The following NKAIN3 variants were observed in gnomAD, a reference collection of about 807,000 sequenced individuals.
NKAIN3 encodes sodium/potassium transporting ATPase interacting 3.
Under a neutral mutation model 30.2 loss-of-function variants are expected in NKAIN3, and 25 were observed. The observed-to-expected ratio is 0.83, with a 90% CI of 0.60 to 1.16. NKAIN3 has a LOEUF of 1.16. Among genes scored for constraint, NKAIN3 ranks in the 50% most tolerant of loss-of-function variants. The pLI is 0.00. For missense variants in NKAIN3, 225 were observed against 254.1 expected, an observed-to-expected ratio of 0.89 and a Z score of 0.78; for synonymous variants, 91 against 89.6, an observed-to-expected ratio of 1.02 and a Z score of -0.09.
intron 3 of NKAIN3, among the ~76,000 whole-genome samples, chr8:62,665,425 G>T (rs943395591): frequency 1.3e-5 from 2 of 151,510 alleles, no homozygotes; most frequent in Admixed American, 6.6e-5. Context: ...CTTCCAAGCT[G>T]CTGGGAGAGG....
At chr8:62,858,590 G>C (rs562838446) in intron 4 of NKAIN3, among the ~76,000 whole-genome samples, 1 of 152,320 alleles carries the variant, frequency 6.6e-6, no homozygotes, top group East Asian at 1.9e-4. Context: ...CACCCAATGA[G>C]GGGGAATGGT....
At chr8:62,533,445 G>A (rs1043874662) in intron 1 of NKAIN3, among the ~76,000 whole-genome samples, 1 of 152,106 alleles carries the variant, frequency 6.6e-6, no homozygotes, top group South Asian at 2.1e-4. Context: ...CGCCTGAAGC[G>A]GGCTTAGCCC....
In NKAIN3 at chr8:62,463,532, T is replaced by C. The variant is rs919560467; in HGVS notation, c.55-116007T>C. On this transcript the variant is annotated intron_variant, in intron 1 of 6. Transcript: ENST00000623646. ...GTATTCTGTGGCATCTAAATCTATA[T>C]ACAGCATGGAAAGCTATACCAACTA... 4.6e-5 allele frequency among the ~76,000 whole-genome samples: 7 copies of C among 152,232 alleles called. No homozygotes were observed. In the East Asian group the frequency reaches 7.7e-4, roughly 17 times the overall value.
At chr8:62,455,021 A>G (rs959332897) in intron 1 of NKAIN3, among the ~76,000 whole-genome samples, 1 of 152,192 alleles carries the variant, frequency 6.6e-6, no homozygotes, top group Non-Finnish European at 1.5e-5. Flanking sequence ...GAGATGCACC[A>G]TTGGCTAATT....
At chr8:62,784,236 A>G (rs552269184) in intron 4 of NKAIN3, among the ~76,000 whole-genome samples, 1 of 152,082 alleles carries the variant, frequency 6.6e-6, no homozygotes, top group South Asian at 2.1e-4. Flanking sequence ...GAAGAAGTGC[A>G]AACTATCCCT....
At chr8:62,929,040 G>A (rs2130869012) in intron 5 of NKAIN3, among the ~76,000 whole-genome samples, 1 of 152,310 alleles carries the variant, frequency 6.6e-6, no homozygotes, top group Non-Finnish European at 1.5e-5. Flanking sequence ...AGGACATGTA[G>A]GCTAACACCT....
At chr8:62,877,558 C>T (rs532272110) in intron 4 of NKAIN3, among the ~76,000 whole-genome samples, 1 of 152,358 alleles carries the variant, frequency 6.6e-6, no homozygotes, top group African/African-American at 2.4e-5. Flanking sequence ...AAAGGTCACA[C>T]ATAGGATCTT....
chr8:62,714,039 C>T lies in NKAIN3; in HGVS notation c.274-32893C>T, dbSNP rs150532468. Among the ~76,000 whole-genome samples, 248 of 152,094 alleles carry T rather than the reference C, an allele frequency of 1.6e-3. 5 individuals carry two copies. In the South Asian group the frequency reaches 0.032, roughly 19 times the overall value. On this transcript the variant is annotated intron_variant, in intron 3 of 6. Coordinates refer to ENST00000623646, the MANE Select transcript of NKAIN3 (RefSeq NM_001304533.3). Reference sequence around the variant, plus strand: ...ATAATTTTTGTATTGGATGTTTCATCGATAAAAGTTTATGGATCAGCAGGC... The same window carrying T: ...ATAATTTTTGTATTGGATGTTTCATTGATAAAAGTTTATGGATCAGCAGGC...
intron 4 of NKAIN3, among the ~76,000 whole-genome samples, chr8:62,853,038 A>G (rs188882690): frequency 8.5e-5 from 13 of 152,134 alleles, no homozygotes; most frequent in Admixed American, 2.0e-4. Context: ...TGACCTGTCT[A>G]ATGTTGACAG....
chr8:62,253,477 G>C (rs1372834832), intron 1 of NKAIN3, among the ~76,000 whole-genome samples: 1 of 152,156 alleles, frequency 6.6e-6, no homozygotes. Flanking sequence ...AGCTGAGGTG[G>C]GAGGATTGCT....
chr8:62,788,731 C>A (rs1337855375), intron 4 of NKAIN3, among the ~76,000 whole-genome samples: 1 of 151,636 alleles, frequency 6.6e-6, no homozygotes, highest in Non-Finnish European at 1.5e-5. Context: ...AGGAAGGGAT[C>A]CAGTTTCAGC....
intron 2 of NKAIN3, among the ~76,000 whole-genome samples, chr8:62,589,033 T>C (rs1466662116): frequency 6.6e-6 from 1 of 151,876 alleles, no homozygotes; most frequent in Admixed American, 6.6e-5. Context: ...TATTTCCTAA[T>C]ACATAATATC....
intron 5 of NKAIN3, among the ~76,000 whole-genome samples, chr8:62,923,351 T>C (rs1449535950): frequency 6.6e-6 from 1 of 152,046 alleles, no homozygotes; most frequent in African/African-American, 2.4e-5. Flanking sequence ...AAAGAAATAT[T>C]TGTTGAGTTT....
At chr8:62,321,260 T>G (rs901398150) in intron 1 of NKAIN3, among the ~76,000 whole-genome samples, 3 of 152,180 alleles carry the variant, frequency 2.0e-5, no homozygotes, top group African/African-American at 7.2e-5. Context: ...GTTTTTAACT[T>G]CTTTGCCATG....
chr8:62,597,227 T>C (rs1810861748), intron 3 of NKAIN3, among the ~76,000 whole-genome samples: 2 of 152,090 alleles, frequency 1.3e-5, no homozygotes, highest in Admixed American at 6.6e-5. Context: ...TCTTGCCCCG[T>C]TGGCAAGCTT....
chr8:62,359,973 G>C (rs977301238), intron 1 of NKAIN3, among the ~76,000 whole-genome samples: 1 of 152,166 alleles, frequency 6.6e-6, no homozygotes, highest in African/African-American at 2.4e-5. Context: ...GCTCATCAGC[G>C]TCCAGCAACC....
chr8:62,649,186 A>G (rs1295489055), intron 3 of NKAIN3, among the ~76,000 whole-genome samples: 1 of 152,204 alleles, frequency 6.6e-6, no homozygotes, highest in Non-Finnish European at 1.5e-5. Flanking sequence ...CAAATCCAAT[A>G]AAATAAAAAC....
intron 1 of NKAIN3, among the ~76,000 whole-genome samples, chr8:62,512,539 A>T (rs1807845711): frequency 6.6e-6 from 1 of 151,998 alleles, no homozygotes; most frequent in Admixed American, 6.6e-5. Flanking sequence ...TCAGTCTGTT[A>T]TTTATTGTGT....
At chr8:62,374,168 A>T (rs1241310967) in intron 1 of NKAIN3, among the ~76,000 whole-genome samples, 1 of 151,616 alleles carries the variant, frequency 6.6e-6, no homozygotes, top group Non-Finnish European at 1.5e-5. Flanking sequence ...AAAGAAAGAG[A>T]AAGAGAAATT....
Sources: gnomAD v4.1 joint callset for allele counts (sites outside exome capture counted in the v4.1 genomes callset) on GRCh38, gnomAD v4.1.1 for gene constraint, MANE v1.5 for transcripts, NCBI Gene and HGNC (gene_info 2026-07-23, HGNC 2026-07-21) for gene names.